CFAP47: variants seen among roughly 807,000 people sequenced by gnomAD.
The protein encoded by CFAP47 is cilia and flagella associated protein 47.
CFAP47 carries 29 observed loss-of-function variants against 148.1 expected under a neutral mutation model. That is an observed-to-expected ratio of 0.20 (90% CI 0.15 to 0.27). The LOEUF (loss-of-function observed/expected upper bound fraction) is 0.27. Among genes scored for constraint, CFAP47 ranks in the 10% least tolerant of loss-of-function variants. CFAP47 has a pLI of 1.00. For missense variants in CFAP47, 1,872 were observed against 1,697.5 expected (o/e 1.10, Z -1.81); for synonymous variants, 664 against 577.3 (o/e 1.15, Z -2.15).
At chrX:36,350,247 T>G (rs1306485850) in intron 59 of CFAP47, 115 bp downstream of exon 59, 1 of 414,777 alleles carries the variant, frequency 2.4e-6, no homozygotes, top group Admixed American at 4.1e-5. Flanking sequence ...TGAACAGTCC[T>G]ACTGGTGGGC....
chrX:36,025,479 G>GAA lies in CFAP47; in HGVS notation c.3557-5763_3557-5762dup, dbSNP rs772751004. On this transcript the variant is annotated intron_variant, in intron 22 of 63. Coordinates refer to ENST00000378653, the MANE Select transcript of CFAP47 (RefSeq NM_001304548.2). ...TGAGACCCTGTCTCTAAATAAAAAT[G>GAA]AAAAAAAAAAAAGTAGTTGAATGTG... 5.3e-3 allele frequency among the ~76,000 whole-genome samples: 534 copies of GAA among 100,056 alleles called. 6 individuals carry two copies. Among genetic ancestry groups the GAA allele is most frequent in the African/African-American group, 0.018 (510 of 27,650 alleles). The allele number at this position is 100,056 out of a possible 115,157, so 86.9% of individuals were successfully genotyped here.
chrX:36,067,108 T>C (rs1569247577), intron 27 of CFAP47, among the ~76,000 whole-genome samples: 1 of 111,596 alleles, frequency 9.0e-6, no homozygotes, highest in Non-Finnish European at 1.9e-5. Flanking sequence ...TGAGCATCTT[T>C]CATAGATTCC....
intron 28 of CFAP47, among the ~76,000 whole-genome samples, chrX:36,072,218 A>T (rs1008194695): frequency 5.3e-5 from 6 of 112,286 alleles, no homozygotes; most frequent in Admixed American, 9.5e-5. Context: ...CTGAATGCCA[A>T]AATGTAGCAC....
chrX:36,084,351 A>G (rs1392060322), intron 29 of CFAP47, among the ~76,000 whole-genome samples: 2 of 111,866 alleles, frequency 1.8e-5, no homozygotes, highest in African/African-American at 6.5e-5. Context: ...TTCAGGATAC[A>G]CTAGCTCTAT....
chrX:36,125,318 A>G (rs1161834447), intron 33 of CFAP47, among the ~76,000 whole-genome samples: 1 of 111,546 alleles, frequency 9.0e-6, no homozygotes, highest in Non-Finnish European at 1.9e-5. Context: ...ATCATGTCAG[A>G]TAAATTCTAG....
chrX:36,367,146 G>A lies in CFAP47; in HGVS notation c.9185+19G>A, dbSNP rs1160942715. 1.3e-5 allele frequency: 14 copies of A among 1,047,615 alleles called. No homozygotes were observed. The highest frequency in any genetic ancestry group is 1.8e-5 in the Non-Finnish European group (14 of 786,253). The allele number at this position is 1,047,615 out of a possible 1,213,427, so 86.3% of individuals were successfully genotyped here. A position where few individuals can be genotyped will look rare whatever the true frequency, so the allele number is the denominator to read the frequency against. ...AGACAAGGTAATATATTAAACAAAA[G>A]TATGTAGCTGTTTTAGTGAATATGC... On this transcript the variant is annotated intron_variant, in intron 62 of 63. Coordinates refer to ENST00000378653, the MANE Select transcript of CFAP47 (RefSeq NM_001304548.2).
At position 36,231,692 on chromosome X, in the gene CFAP47, G is replaced by T. The variant is rs1940362852; in HGVS notation, c.7014+2868G>T. ...GAGAGGGCATCCCTGTCTTGTGCCA[G>T]TTTTCAAAGGGAATGCTTCCAGTTT... On this transcript the variant is annotated intron_variant, in intron 46 of 63. Coordinates refer to ENST00000378653, the MANE Select transcript of CFAP47 (RefSeq NM_001304548.2). Among the ~76,000 whole-genome samples, 6 of 111,219 alleles carry T rather than the reference G, an allele frequency of 5.4e-5. No homozygotes were observed. In the South Asian group the frequency reaches 2.3e-3, roughly 42 times the overall value.
intron 46 of CFAP47, among the ~76,000 whole-genome samples, chrX:36,234,083 A>G (rs1306922727): frequency 1.8e-5 from 2 of 108,342 alleles, no homozygotes; most frequent in Non-Finnish European, 3.8e-5. Context: ...GAATCTGACA[A>G]TTATGTGTCT....
chrX:36,115,702 A>ATATT (rs1165660910), intron 33 of CFAP47, among the ~76,000 whole-genome samples: 1 of 111,626 alleles, frequency 9.0e-6, no homozygotes, highest in African/African-American at 3.3e-5. Flanking sequence ...TTAAAAGCTG[A>ATATT]TATTTAAACT....
chrX:36,148,372 AG>A (rs1359214134), intron 36 of CFAP47, among the ~76,000 whole-genome samples: 2 of 111,789 alleles, frequency 1.8e-5, no homozygotes, highest in Admixed American at 1.9e-4. Context: ...TGGGCTCTTG[AG>A]GACATGCCCA....
intron 42 of CFAP47, among the ~76,000 whole-genome samples, chrX:36,195,086 C>A (rs1939905825): frequency 8.9e-6 from 1 of 112,791 alleles, no homozygotes; most frequent in Non-Finnish European, 1.9e-5. Flanking sequence ...ACAAAATGCC[C>A]CCATGCAAGG....
chrX:36,222,443 C>A (rs902702166), intron 45 of CFAP47, among the ~76,000 whole-genome samples: 1 of 109,672 alleles, frequency 9.1e-6, no homozygotes, highest in Non-Finnish European at 1.9e-5. Flanking sequence ...GTAGTTCAAC[C>A]TCTTTTTAAA....
At chrX:36,180,799 GTCT>G (rs890463848) in intron 40 of CFAP47, among the ~76,000 whole-genome samples, 1 of 111,725 alleles carries the variant, frequency 9.0e-6, no homozygotes, top group Non-Finnish European at 1.9e-5. Context: ...GGCTTTTGAA[GTCT>G]TCTTTCACAT....
chrX:36,065,047 A>T (rs1455550980), intron 26 of CFAP47, among the ~76,000 whole-genome samples: 1 of 112,181 alleles, frequency 8.9e-6, no homozygotes, highest in Non-Finnish European at 1.9e-5. Context: ...CTGATATATA[A>T]GAGATTTGGA....
At chrX:36,077,799 G>A (rs1937893983) in intron 29 of CFAP47, among the ~76,000 whole-genome samples, 1 of 110,935 alleles carries the variant, frequency 9.0e-6, no homozygotes, top group Non-Finnish European at 1.9e-5. Context: ...GGCTGAGGTG[G>A]GTGGATTGCT....
chrX:36,078,295 C>G (rs1389408734), intron 29 of CFAP47, among the ~76,000 whole-genome samples: 3 of 110,823 alleles, frequency 2.7e-5, no homozygotes, highest in South Asian at 7.7e-4. Context: ...CTCATATTGA[C>G]AGTGGGGTGT....
Position 36,112,531 on chromosome X carries a change from G to A in CFAP47, c.5320+7840G>A, listed in dbSNP as rs144078104. Among the ~76,000 whole-genome samples, 43 of 111,432 alleles carry A rather than the reference G, an allele frequency of 3.9e-4. No homozygotes were observed. The East Asian group carries it at 9.1e-3, about 24-fold the overall frequency. The stretch of plus-strand genomic sequence containing the variant: ...GTGTTTTGTGTCCAATTATGTGATC[G>A]ATTTTAGAGTATGTGTCATGTGGCA... On this transcript the variant is annotated intron_variant, in intron 33 of 63. Transcript: ENST00000378653.
chrX:36,142,727 T>G (rs528828091), intron 35 of CFAP47, among the ~76,000 whole-genome samples: 11 of 111,809 alleles, frequency 9.8e-5, no homozygotes, highest in African/African-American at 2.3e-4. Flanking sequence ...TGCTGGATTT[T>G]TCAAAGTTTA....
chrX:35,990,466 G>C (rs1936776033), intron 16 of CFAP47, among the ~76,000 whole-genome samples: 1 of 111,096 alleles, frequency 9.0e-6, no homozygotes, highest in African/African-American at 3.3e-5. Context: ...CTTTGTGTGA[G>C]ATGAGGAGGG....
Sources: gnomAD v4.1 joint callset for allele counts (sites outside exome capture counted in the v4.1 genomes callset) on GRCh38, gnomAD v4.1.1 for gene constraint, MANE v1.5 for transcripts, NCBI Gene and HGNC (gene_info 2026-07-23, HGNC 2026-07-21) for gene names.